ZNF587: variants seen among roughly 807,000 people sequenced by gnomAD.
ZNF587 encodes zinc finger protein zfp6.
A neutral mutation model predicts 7.5 loss-of-function variants in ZNF587; 8 were observed. The ratio of observed to expected loss-of-function variants is 1.06; its 90% CI spans 0.62 to 1.92. The LOEUF is 1.92. Ranked by LOEUF, ZNF587 falls within the 40% of genes most tolerant of loss-of-function variation. The pLI is 0.00. For synonymous variants in ZNF587, 145 were observed against 237.8 expected (o/e 0.61, Z 3.59); for missense variants, 468 against 692.8 (o/e 0.68, Z 3.64).
chr19:57,858,273 T>G (rs2071390453), intron 2 of ZNF587: 1 of 387,612 alleles, frequency 2.6e-6, no homozygotes. Context: ...ATTACAGGTG[T>G]CCACAACCAC....
chr19:57,853,760 T>G (rs866354131), intron 1 of ZNF587: 2 of 151,478 alleles, frequency 1.3e-5, no homozygotes, highest in East Asian at 1.9e-4. Flanking sequence ...CTTTTTTGTT[T>G]TTTTTTTTTT....
At position 57,861,740 on chromosome 19, in the gene ZNF587, G is replaced by A. The variant is rs531463587; in HGVS notation, c.*1600G>A. ...TGTTGGACTTCATTCATTCTTCAGT[G>A]ATGTCACTTTGCTGCAAGGAATATT... On this transcript the variant is annotated 3_prime_UTR_variant, in exon 3 of 3. Coordinates refer to ENST00000339656, the MANE Select transcript of ZNF587 (RefSeq NM_032828.4). 1 of 146,384 alleles carries A rather than the reference G, an allele frequency of 6.8e-6. No homozygotes were observed. Among genetic ancestry groups the A allele is most frequent in the Non-Finnish European group, 1.5e-5 (1 of 67,206 alleles). 9.1% of individuals were successfully genotyped at this position (146,384 alleles called of 1,614,324 possible). A position where few individuals can be genotyped will look rare whatever the true frequency, so the allele number is the denominator to read the frequency against.
rs112702558 is a variant in ZNF587, at chr19:57,860,736, GAC to G, written c.*598_*599del. ...CCTCTCTACAAAAAGAAAAAAGAAT[GAC>G]ATGCTTCTTGTTTTTGTCTGTTATA... On this transcript the variant is annotated 3_prime_UTR_variant, in exon 3 of 3. Coordinates refer to ENST00000339656, the MANE Select transcript of ZNF587 (RefSeq NM_032828.4). The G allele has an allele frequency of 5.0e-3, 776 of 154,850 alleles. 8 individuals carry two copies. The highest frequency in any genetic ancestry group is 0.017 in the African/African-American group (725 of 41,584). The allele number at this position is 154,850 out of a possible 1,614,324, so 9.6% of individuals were successfully genotyped here.
rs1367858462 is a variant in ZNF587 at position 57,862,636 on chromosome 19, G to T, written c.*2496G>T. The T allele has an allele frequency of 6.5e-6, 1 of 154,856 alleles. No individual in the cohort carries two copies. Among genetic ancestry groups the T allele is most frequent in the Non-Finnish European group, 1.5e-5 (1 of 68,250 alleles). 9.6% of individuals were successfully genotyped at this position (154,856 alleles called of 1,614,324 possible). ...TGCCCATTTCCCCACTTGCATGAAT[G>T]TCGACACTGCAGCCACAGTTTTGGC... On this transcript the variant is annotated 3_prime_UTR_variant, in exon 3 of 3. Transcript: ENST00000339656.
intron 1 of ZNF587, chr19:57,850,870 G>A (rs1331544098): frequency 1.8e-5 from 5 of 274,994 alleles, no homozygotes; most frequent in South Asian, 1.7e-4. Context: ...AGCACTGGCC[G>A]TTTCTGTGAA....
chr19:57,850,218 C>G, intron 1 of ZNF587, 147 bp downstream of exon 1: 3 of 1,459,078 alleles, frequency 2.1e-6, no homozygotes, highest in Non-Finnish European at 2.8e-6. Flanking sequence ...TCCTTGTAAC[C>G]GTCCAGTGGG....
Position 57,864,023 on chromosome 19 carries a change from CAG to C in ZNF587, c.*3889_*3890del, listed in dbSNP as rs977282780. On this transcript the variant is annotated 3_prime_UTR_variant, in exon 3 of 3. Transcript: ENST00000339656. ...ACACCAGTGCACTCCAACCTGGTGACAGAGAGACACATCATCTCAAAAAAAAA... is the reference window on the plus strand; with the variant it reads ...ACACCAGTGCACTCCAACCTGGTGACAGAGACACATCATCTCAAAAAAAAA... The C allele has an allele frequency of 1.0e-3, 132 of 130,802 alleles. No individual in the cohort carries two copies. Among genetic ancestry groups the C allele is most frequent in the African/African-American group, 3.8e-3 (129 of 33,732 alleles). The allele number at this position is 130,802 out of a possible 1,614,324, so 8.1% of individuals were successfully genotyped here.
At chr19:57,854,718 G>A (rs1402054095) in intron 1 of ZNF587, among the ~76,000 whole-genome samples, 3 of 151,926 alleles carry the variant, frequency 2.0e-5, no homozygotes, top group South Asian at 2.1e-4. Context: ...ATCATGGGCC[G>A]TTATACCCTC....
chr19:57,854,929 C>T (rs2071332354), intron 1 of ZNF587, among the ~76,000 whole-genome samples: 1 of 151,366 alleles, frequency 6.6e-6, no homozygotes, highest in East Asian at 1.9e-4. Flanking sequence ...GGAATCCCAG[C>T]ACTTTGGGAT....
intron 1 of ZNF587, among the ~76,000 whole-genome samples, chr19:57,854,947 TG>T (rs1442242559): frequency 1.4e-5 from 2 of 145,480 alleles, no homozygotes. Flanking sequence ...GATGCTGAGG[TG>T]GGTGGATCAG....
chr19:57,861,773 C>CTGTTTTTTTTTTTTTTTTTTT lies in ZNF587; in HGVS notation c.*1634_*1635insGTTTTTTTTTTTTTTTTTTTT, dbSNP rs2071435454. 1 of 119,288 alleles carries CTGTTTTTTTTTTTTTTTTTTT rather than the reference C, an allele frequency of 8.4e-6. No homozygotes were observed. The highest frequency in any genetic ancestry group is 1.6e-5 in the Non-Finnish European group (1 of 60,776). 7.4% of individuals were successfully genotyped at this position (119,288 alleles called of 1,614,324 possible). ...TTTGCTGCAAGGAATATTTGGTTTT[C>CTGTTTTTTTTTTTTTTTTTTT]TTTTTTTTTTTTTTTTCCAGATGGA... On this transcript the variant is annotated 3_prime_UTR_variant, in exon 3 of 3. Coordinates refer to ENST00000339656, the MANE Select transcript of ZNF587 (RefSeq NM_032828.4).
intron 1 of ZNF587, among the ~76,000 whole-genome samples, chr19:57,854,932 T>G (rs2071332423): frequency 6.6e-6 from 1 of 151,078 alleles, no homozygotes; most frequent in Non-Finnish European, 1.5e-5. Context: ...ATCCCAGCAC[T>G]TTGGGATGCT....
intron 2 of ZNF587, among the ~76,000 whole-genome samples, chr19:57,857,482 T>C (rs1341718223): frequency 6.6e-6 from 1 of 151,970 alleles, no homozygotes; most frequent in Admixed American, 6.6e-5. Context: ...GATATTGGTG[T>C]ATTGATTACG....
chr19:57,859,405 A>T lies in ZNF587; in HGVS notation c.993A>T (p.Lys331Asn). The change falls in exon 3 of 3, where the codon AAA (lysine) becomes AAT (asparagine). Residue 331 changes from lysine (K) to asparagine (N), a missense_variant. This residue lies in a region of ZNF587 where 310 missense variants were observed against 325.6 expected (regional missense o/e 0.95). Transcript: ENST00000339656. ...CTTATGAGTGTAGAGAATGTGGGAA[A>T]TCTTTTGGTCAAAAGGGTAACCTCA... ...EGPYECRECG[K>N]SFGQKGNLIQ... The T allele has an allele frequency of 6.2e-7, 1 of 1,609,344 alleles. No individual in the cohort carries two copies. The highest frequency in any genetic ancestry group is 8.5e-7 in the Non-Finnish European group (1 of 1,179,842).
chr19:57,852,061 T>C (rs2071287650), intron 1 of ZNF587: 1 of 324,030 alleles, frequency 3.1e-6, no homozygotes, highest in Non-Finnish European at 5.6e-6. Context: ...CACAGGGAAG[T>C]GGAGGGTGTT....
Position 57,860,079 on chromosome 19 carries a change from C to T in ZNF587, c.1667C>T (p.Thr556Ile). Residue 556 changes from threonine to isoleucine, a missense_variant, in exon 3 of 3, where the codon ACA becomes ATA. Transcript: ENST00000339656. ...TATGAATGCACCAAATGTGGAAAAA[C>T]ATTTCAGCGAAGCTCTACCCTCCTT... ...RPYECTKCGK[T>I]FQRSSTLLHH... 2 of 1,613,362 alleles carry T rather than the reference C, an allele frequency of 1.2e-6. No individual in the cohort carries two copies.
intron 1 of ZNF587, among the ~76,000 whole-genome samples, chr19:57,855,627 T>C (rs2071344779): frequency 6.7e-6 from 1 of 149,598 alleles, no homozygotes; most frequent in Non-Finnish European, 1.5e-5. Context: ...AGTGGTGTGA[T>C]CTCGGCTCAC....
intron 1 of ZNF587, chr19:57,851,034 G>C: frequency 6.6e-6 from 1 of 152,654 alleles, no homozygotes; most frequent in East Asian, 1.9e-4. Context: ...GAATGCTGCT[G>C]AAGAGTTATG....
In ZNF587 at chr19:57,860,165, T is replaced by G. The variant is rs1600125583; in HGVS notation, c.*25T>G. 1 of 1,614,138 alleles carries G rather than the reference T, an allele frequency of 6.2e-7. No individual in the cohort carries two copies. Among genetic ancestry groups the G allele is most frequent in the Non-Finnish European group, 8.5e-7 (1 of 1,179,974 alleles). ...AGTGCAGTGAATATGGGAAATCGTTTGCTGAAGCATCCCGTCTCGTTAAAC... is the reference window on the plus strand; with the variant it reads ...AGTGCAGTGAATATGGGAAATCGTTGGCTGAAGCATCCCGTCTCGTTAAAC... On this transcript the variant is annotated 3_prime_UTR_variant, in exon 3 of 3. Transcript: ENST00000339656.
Sources: gnomAD v4.1 joint callset for allele counts (sites outside exome capture counted in the v4.1 genomes callset) on GRCh38, gnomAD v4.1.1 for gene constraint, gnomAD v4.1.1 regional missense constraint, MANE v1.5 for transcripts, NCBI Gene and HGNC (gene_info 2026-07-23, HGNC 2026-07-21) for gene names.